AKAP19: variants seen among roughly 807,000 people sequenced by gnomAD.
AKAP19 encodes the protein A-kinase anchoring protein 19, also known as small A-kinase anchoring protein.
At chr2:189,983,625 T>A in the AKAP19 span, among the ~76,000 whole-genome samples, 1 of 152,238 alleles carries the variant, frequency 6.6e-6, no homozygotes, top group African/African-American at 2.4e-5. Flanking sequence ...CACTTGCATT[T>A]CCTTTGTCCC....
chr2:189,987,132 G>A, the AKAP19 span, among the ~76,000 whole-genome samples: 1 of 152,192 alleles, frequency 6.6e-6, no homozygotes, highest in Non-Finnish European at 1.5e-5. Flanking sequence ...CACATGTTGT[G>A]AGAGGGACCC....
At chr2:190,152,692 T>G in the AKAP19 span, among the ~76,000 whole-genome samples, 21 of 152,346 alleles carry the variant, frequency 1.4e-4, no homozygotes, top group Non-Finnish European at 2.5e-4. Context: ...TTGTTATTAT[T>G]GTTCCTTAGT....
chr2:189,995,990 A>T, the AKAP19 span, among the ~76,000 whole-genome samples: 3 of 152,124 alleles, frequency 2.0e-5, no homozygotes, highest in South Asian at 2.1e-4. Flanking sequence ...ATTTTCCTTT[A>T]TAGGTTACCT....
the AKAP19 span, among the ~76,000 whole-genome samples, chr2:189,973,531 A>C: frequency 6.6e-6 from 1 of 152,034 alleles, no homozygotes; most frequent in African/African-American, 2.4e-5. Context: ...CTCTTTTTCT[A>C]TTGATTGGAA....
chr2:190,054,596 G>C, the AKAP19 span, among the ~76,000 whole-genome samples: 1 of 151,928 alleles, frequency 6.6e-6, no homozygotes, highest in East Asian at 1.9e-4. Flanking sequence ...TCTGACAAAG[G>C]GCTAATATCC....
chr2:190,192,452 C>CTGTGTGTGTGTGTGTG, the AKAP19 span, among the ~76,000 whole-genome samples: 418 of 145,344 alleles, frequency 2.9e-3, 4 homozygotes, highest in African/African-American at 9.3e-3. Flanking sequence ...AATTCAGAAT[C>CTGTGTGTGTGTGTGTG]TGTGTGTGTG....
At chr2:189,900,369 G>A in the AKAP19 span, among the ~76,000 whole-genome samples, 1 of 151,924 alleles carries the variant, frequency 6.6e-6, no homozygotes, top group African/African-American at 2.4e-5. Flanking sequence ...AAGATGTTTT[G>A]CATATTATCA....
At chr2:190,148,620 T>G in the AKAP19 span, among the ~76,000 whole-genome samples, 1 of 152,242 alleles carries the variant, frequency 6.6e-6, no homozygotes. Flanking sequence ...AATTCTGCTG[T>G]GAATCCCTCT....
chr2:189,908,540 GT>G, the AKAP19 span, among the ~76,000 whole-genome samples: 1 of 152,070 alleles, frequency 6.6e-6, no homozygotes, highest in Non-Finnish European at 1.5e-5. Context: ...CATCGAATAA[GT>G]TTTGACATGG....
At chr2:189,912,819 G>A in the AKAP19 span, among the ~76,000 whole-genome samples, 1 of 151,924 alleles carries the variant, frequency 6.6e-6, no homozygotes, top group Non-Finnish European at 1.5e-5. Context: ...CTTTTGACGT[G>A]AAAAGTTACT....
chr2:189,971,867 A>C, the AKAP19 span, among the ~76,000 whole-genome samples: 2 of 149,908 alleles, frequency 1.3e-5, no homozygotes, highest in Non-Finnish European at 3.0e-5. Flanking sequence ...AGTTCTTTGT[A>C]GATTCTGGAT....
the AKAP19 span, among the ~76,000 whole-genome samples, chr2:190,169,579 T>C: frequency 6.6e-6 from 1 of 152,222 alleles, no homozygotes; most frequent in African/African-American, 2.4e-5. Context: ...CCAGGCTTCT[T>C]ATGAACAAAT....
the AKAP19 span, among the ~76,000 whole-genome samples, chr2:189,934,398 T>C: frequency 6.6e-6 from 1 of 152,064 alleles, no homozygotes; most frequent in Admixed American, 6.5e-5. Context: ...TTGGCCTTTA[T>C]TCTAAACTAA....
the AKAP19 span, among the ~76,000 whole-genome samples, chr2:189,925,353 A>G: frequency 6.6e-6 from 1 of 152,226 alleles, no homozygotes; most frequent in East Asian, 1.9e-4. Context: ...AATCTACTCA[A>G]GTAATAGAAT....
At chr2:190,157,339 A>C in the AKAP19 span, among the ~76,000 whole-genome samples, 1 of 141,552 alleles carries the variant, frequency 7.1e-6, no homozygotes, top group African/African-American at 2.7e-5. Flanking sequence ...TCACAGTATT[A>C]TAAAACAAAT....
At chr2:190,136,776 A>G in the AKAP19 span, among the ~76,000 whole-genome samples, 1 of 152,264 alleles carries the variant, frequency 6.6e-6, no homozygotes, top group South Asian at 2.1e-4. Context: ...AATAAAGTAA[A>G]TACAGAAAAG....
the AKAP19 span, among the ~76,000 whole-genome samples, chr2:189,977,549 T>G: frequency 6.6e-6 from 1 of 152,366 alleles, no homozygotes; most frequent in Admixed American, 6.5e-5. Context: ...AAATGGTGTC[T>G]GATATGCCTA....
the AKAP19 span, among the ~76,000 whole-genome samples, chr2:189,895,999 A>C: frequency 3.3e-5 from 3 of 90,632 alleles, no homozygotes; most frequent in South Asian, 8.8e-4. Flanking sequence ...ACAAAGTGAG[A>C]CCCTGTCTCA....
At chr2:189,913,003 G>T in the AKAP19 span, among the ~76,000 whole-genome samples, 1 of 152,084 alleles carries the variant, frequency 6.6e-6, no homozygotes, top group Non-Finnish European at 1.5e-5. Context: ...CTGAGCTAAA[G>T]AGAAAAAGGA....
Sources: allele counts gnomAD v4.1 joint callset (sites outside exome capture counted in the v4.1 genomes callset), GRCh38; gene constraint gnomAD v4.1.1; transcripts MANE v1.5; gene names NCBI Gene and HGNC (gene_info 2026-07-23, HGNC 2026-07-21).